The following PPP2R5E variants were observed in gnomAD, a reference collection of about 807,000 sequenced individuals.
PPP2R5E encodes protein phosphatase 2 regulatory subunit B'epsilon, also known as serine/threonine-protein phosphatase 2A 56 kDa regulatory subunit epsilon isoform.
Under a neutral mutation model 65.3 loss-of-function variants are expected in PPP2R5E, and 4 were observed. The ratio of observed to expected loss-of-function variants is 0.06; its 90% CI spans 0.03 to 0.14. The LOEUF (loss-of-function observed/expected upper bound fraction) is 0.14. Among genes scored for constraint, PPP2R5E ranks in the 10% least tolerant of loss-of-function variants. PPP2R5E has a pLI of 1.00. For missense variants in PPP2R5E, 274 were observed against 556.1 expected (o/e 0.49, Z 5.10); for synonymous variants, 183 against 187.4 (o/e 0.98, Z 0.19).
chr14:63,517,595 GT>G (rs1892716230), intron 2 of PPP2R5E, among the ~76,000 whole-genome samples: 1 of 152,014 alleles, frequency 6.6e-6, no homozygotes, highest in South Asian at 2.1e-4. Context: ...TCAAGCACTG[GT>G]ACTGAAAAGC....
intron 12 of PPP2R5E, among the ~76,000 whole-genome samples, 191 bp from the exon 13 acceptor site, chr14:63,382,348 AT>A: frequency 6.6e-6 from 1 of 151,630 alleles, no homozygotes; most frequent in East Asian, 1.9e-4. Flanking sequence ...AGGCAAGATA[AT>A]TTTCTGAGGG....
rs146838426 is a variant in PPP2R5E at position 63,520,197 on chromosome 14, G to A, written c.157+19332C>T. On this transcript the variant is annotated intron_variant, in intron 2 of 13. Coordinates refer to ENST00000337537, the MANE Select transcript of PPP2R5E (RefSeq NM_006246.5). ...ACTACTGGCGCCCGCCACCACGCCC[G>A]GCTAATTTTTTGCATTTTTAGTAGA... 5.1e-3 allele frequency among the ~76,000 whole-genome samples: 775 copies of A among 151,824 alleles called. 10 individuals are homozygous for A. Among genetic ancestry groups the A allele is most frequent in the African/African-American group, 0.017 (713 of 41,402 alleles).
intron 2 of PPP2R5E, among the ~76,000 whole-genome samples, chr14:63,486,540 A>C (rs1891007317): frequency 6.6e-6 from 1 of 151,970 alleles, no homozygotes; most frequent in South Asian, 2.1e-4. Context: ...CACTAGATAC[A>C]AAATCCCATC....
At chr14:63,441,844 A>G (rs994140630) in intron 3 of PPP2R5E, among the ~76,000 whole-genome samples, 6 of 150,742 alleles carry the variant, frequency 4.0e-5, no homozygotes, top group African/African-American at 1.5e-4. Flanking sequence ...TGGGAGGTGG[A>G]GCTTGCCGTG....
chr14:63,443,048 A>G (rs1054210423), intron 3 of PPP2R5E, among the ~76,000 whole-genome samples: 2 of 152,156 alleles, frequency 1.3e-5, no homozygotes, highest in African/African-American at 4.8e-5. Context: ...ATTTTCTACA[A>G]TGTCATATTA....
chr14:63,462,102 G>A (rs1347271731), intron 2 of PPP2R5E, among the ~76,000 whole-genome samples: 1 of 148,610 alleles, frequency 6.7e-6, no homozygotes, highest in Non-Finnish European at 1.5e-5. Flanking sequence ...ACGGAGTCTC[G>A]CTCTGTTGCC....
intron 2 of PPP2R5E, among the ~76,000 whole-genome samples, chr14:63,529,439 C>A (rs1483319041): frequency 2.7e-5 from 4 of 150,290 alleles, no homozygotes; most frequent in Non-Finnish European, 4.4e-5. Context: ...TGGCTCACTG[C>A]AAGCACCACC....
chr14:63,463,267 G>A (rs1889594867), intron 2 of PPP2R5E, among the ~76,000 whole-genome samples: 1 of 151,522 alleles, frequency 6.6e-6, no homozygotes, highest in Admixed American at 6.6e-5. Flanking sequence ...AGCCTCCCGA[G>A]TAGCTGGGAT....
chr14:63,490,748 G>C (rs1891246466), intron 2 of PPP2R5E, among the ~76,000 whole-genome samples: 1 of 152,000 alleles, frequency 6.6e-6, no homozygotes, highest in African/African-American at 2.4e-5. Flanking sequence ...TGTTGGCAAG[G>C]TTGCAGAGAA....
chr14:63,522,553 G>A (rs8013830), intron 2 of PPP2R5E, among the ~76,000 whole-genome samples: 1,671 of 150,838 alleles, frequency 0.011, 26 homozygotes, highest in African/African-American at 0.039. Context: ...GTCTCTGCCC[G>A]GCCGCCCATC....
At chr14:63,499,322 C>T (rs1457612162) in intron 2 of PPP2R5E, among the ~76,000 whole-genome samples, 1 of 152,182 alleles carries the variant, frequency 6.6e-6, no homozygotes, top group Non-Finnish European at 1.5e-5. Context: ...AGCCACCTCA[C>T]TGTGAAACTA....
chr14:63,505,955 A>G (rs145703998), intron 2 of PPP2R5E, among the ~76,000 whole-genome samples: 4 of 152,310 alleles, frequency 2.6e-5, no homozygotes, highest in African/African-American at 9.6e-5. Context: ...AACGTTGTGT[A>G]AAGTCAGGCA....
chr14:63,408,764 T>C (rs1253901427), intron 5 of PPP2R5E, among the ~76,000 whole-genome samples: 2 of 152,220 alleles, frequency 1.3e-5, no homozygotes, highest in Non-Finnish European at 2.9e-5. Context: ...CTTTCATATA[T>C]ATTTTTAAAA....
chr14:63,522,277 G>C (rs543167285), intron 2 of PPP2R5E, among the ~76,000 whole-genome samples: 2 of 151,962 alleles, frequency 1.3e-5, no homozygotes, highest in Non-Finnish European at 2.9e-5. Context: ...GTGCAGTGGC[G>C]TGATCTCGGC....
chr14:63,420,845 G>A (rs1886972379), intron 4 of PPP2R5E, among the ~76,000 whole-genome samples: 1 of 101,364 alleles, frequency 9.9e-6, no homozygotes. Flanking sequence ...GAGGTCAAGA[G>A]ATCGAGACCA....
chr14:63,411,373 G>T (rs1594843788), intron 5 of PPP2R5E, among the ~76,000 whole-genome samples: 1 of 151,912 alleles, frequency 6.6e-6, no homozygotes, highest in East Asian at 1.9e-4. Flanking sequence ...TCTCAACCCT[G>T]GCTAGTTTAA....
At chr14:63,385,984 G>A (rs1236934042) in intron 11 of PPP2R5E, among the ~76,000 whole-genome samples, 1 of 152,068 alleles carries the variant, frequency 6.6e-6, no homozygotes, top group East Asian at 1.9e-4. Flanking sequence ...TGGATTTCAT[G>A]AATTCAAAAG....
Position 63,543,035 on chromosome 14 carries a change from G to C in PPP2R5E, c.-264C>G, listed in dbSNP as rs1206046103. On this transcript the variant is annotated 5_prime_UTR_variant, in exon 1 of 14. Transcript: ENST00000337537. ...CGGCGGCCTCACGATCCTCCCCCGC[G>C]GGCCCGTCCCATCAAATCGGCACCG... is the stretch of plus-strand genomic sequence containing the variant. 6.6e-6 allele frequency: 1 copy of C among 152,630 alleles called. No individual in the cohort carries two copies. Among genetic ancestry groups the C allele is most frequent in the Non-Finnish European group, 1.5e-5 (1 of 68,418 alleles). The allele number at this position is 152,630 out of a possible 1,614,324, so 9.5% of individuals were successfully genotyped here. A position where few individuals can be genotyped will look rare whatever the true frequency, so the allele number is the denominator to read the frequency against.
intron 2 of PPP2R5E, among the ~76,000 whole-genome samples, chr14:63,538,128 G>C (rs1209565163): frequency 6.6e-6 from 1 of 152,106 alleles, no homozygotes; most frequent in East Asian, 1.9e-4. Flanking sequence ...CAAAAAAATG[G>C]AAAAATTAGC....
Sources: allele counts gnomAD v4.1 joint callset (sites outside exome capture counted in the v4.1 genomes callset), GRCh38; gene constraint gnomAD v4.1.1; transcripts MANE v1.5; gene names NCBI Gene and HGNC (gene_info 2026-07-23, HGNC 2026-07-21).